Variants in LHPP observed in about 807,000 individuals in gnomAD.
LHPP encodes hLHPP.
A neutral mutation model predicts 30.3 loss-of-function variants in LHPP; 24 were observed. That is an observed-to-expected ratio of 0.79 (90% CI 0.57 to 1.11). LHPP has a LOEUF of 1.11. Among genes scored for constraint, LHPP ranks in the 50% most tolerant of loss-of-function variants. The pLI, the probability that LHPP is intolerant of heterozygous loss-of-function variation, is 0.00. For missense variants in LHPP, 356 were observed against 367.2 expected (o/e 0.97, Z 0.25); for synonymous variants, 150 against 157.1 (o/e 0.95, Z 0.34).
At position 124,610,515 on chromosome 10, in the gene LHPP, A is replaced by C. The variant is rs865777089; in HGVS notation, c.717-2749A>C. Among the ~76,000 whole-genome samples the C allele has an allele frequency of 4.4e-4, 6 of 13,602 alleles. 1 individual carries two copies. Among genetic ancestry groups the C allele is most frequent in the African/African-American group, 1.5e-3 (6 of 3,954 alleles). 8.9% of individuals were successfully genotyped at this position (13,602 alleles called of 152,430 possible). On this transcript the variant is annotated intron_variant, in intron 6 of 6. Transcript: ENST00000368842. ...GGTGAGGGTGTTGACGGAGCGGGTG[A>C]GGGTGCGGGTGAGGGTGCTGATGGA...
intron 6 of LHPP, among the ~76,000 whole-genome samples, chr10:124,601,467 T>C (rs1437318811): frequency 6.6e-6 from 1 of 151,972 alleles, no homozygotes; most frequent in Non-Finnish European, 1.5e-5. Context: ...CCAGCCAGGA[T>C]TGGGGGTTCA....
intron 6 of LHPP, among the ~76,000 whole-genome samples, chr10:124,548,873 C>T (rs1955414160): frequency 6.6e-6 from 1 of 152,248 alleles, no homozygotes; most frequent in African/African-American, 2.4e-5. Context: ...TCTGCTGTGG[C>T]CTTCTCACAG....
intron 5 of LHPP, among the ~76,000 whole-genome samples, chr10:124,500,045 C>A (rs1953854118): frequency 6.6e-6 from 1 of 152,020 alleles, no homozygotes; most frequent in Non-Finnish European, 1.5e-5. Flanking sequence ...GGCAGAATTT[C>A]TTTTTTTATT....
At chr10:124,609,047 G>C (rs1949131585) in intron 6 of LHPP, among the ~76,000 whole-genome samples, 1 of 152,214 alleles carries the variant, frequency 6.6e-6, no homozygotes, top group Non-Finnish European at 1.5e-5. Flanking sequence ...AGAGCCCTGG[G>C]GGACGGTGGA....
chr10:124,603,677 C>T (rs1040223159), intron 6 of LHPP, among the ~76,000 whole-genome samples: 6 of 152,224 alleles, frequency 3.9e-5, no homozygotes, highest in Admixed American at 6.5e-5. Flanking sequence ...TCGCGGCCCT[C>T]GCCTCGGCAC....
At chr10:124,579,203 C>A (rs2133989574) in intron 6 of LHPP, among the ~76,000 whole-genome samples, 1 of 152,356 alleles carries the variant, frequency 6.6e-6, no homozygotes, top group Non-Finnish European at 1.5e-5. Flanking sequence ...GCCGAGCGTT[C>A]TGAGCGCCCT....
chr10:124,529,692 C>T (rs369487564), intron 6 of LHPP, among the ~76,000 whole-genome samples: 6 of 152,158 alleles, frequency 3.9e-5, no homozygotes, highest in East Asian at 3.9e-4. Flanking sequence ...CGAGGGGCCA[C>T]GCCCTGCACT....
chr10:124,542,437 G>T (rs1955220509), intron 6 of LHPP, among the ~76,000 whole-genome samples: 1 of 152,206 alleles, frequency 6.6e-6, no homozygotes. Context: ...TGGGACTTGG[G>T]CCCTGGCAGT....
chr10:124,605,260 T>TG (rs767272505), intron 6 of LHPP: 1 of 152,292 alleles, frequency 6.6e-6, no homozygotes, highest in Non-Finnish European at 1.5e-5. Flanking sequence ...CCTGCCCAGC[T>TG]GGGGGCCTTT....
chr10:124,553,032 C>G (rs746607017), intron 6 of LHPP, among the ~76,000 whole-genome samples: 1 of 152,248 alleles, frequency 6.6e-6, no homozygotes, highest in African/African-American at 2.4e-5. Flanking sequence ...CGCCGCTCAG[C>G]GCTCCGCGGC....
At chr10:124,489,589 G>A (rs560380747) in intron 3 of LHPP, among the ~76,000 whole-genome samples, 3 of 152,134 alleles carry the variant, frequency 2.0e-5, no homozygotes, top group South Asian at 4.2e-4. Context: ...TGAGTAGCTG[G>A]GACTACAGGC....
chr10:124,545,936 T>G (rs944364082), intron 6 of LHPP: 27 of 151,898 alleles, frequency 1.8e-4, no homozygotes, highest in Admixed American at 1.8e-3. Flanking sequence ...AGAGCAGAGG[T>G]GGGAGGGGTG....
chr10:124,491,829 G>A (rs754460318), intron 3 of LHPP, among the ~76,000 whole-genome samples: 6 of 152,196 alleles, frequency 3.9e-5, no homozygotes, highest in African/African-American at 1.2e-4. Flanking sequence ...GGAGGCTGAC[G>A]CATGAGAATT....
At chr10:124,509,956 A>G (rs1291135573) in intron 5 of LHPP, among the ~76,000 whole-genome samples, 1 of 152,182 alleles carries the variant, frequency 6.6e-6, no homozygotes, top group Non-Finnish European at 1.5e-5. Flanking sequence ...CACCTAGGAC[A>G]CTGAAGAGGA....
chr10:124,610,929 AGGGTGAGGGTGAGGGTGCTGATGGAGC>A, intron 6 of LHPP, among the ~76,000 whole-genome samples: 1 of 53,194 alleles, frequency 1.9e-5, no homozygotes, highest in African/African-American at 7.3e-5. Flanking sequence ...GGAGCGGGCG[AGGGTGAGGGTGAGGGTGCTGATGGAGC>A]GGGTGAGGGT....
chr10:124,478,844 G>A lies in LHPP; in HGVS notation c.126-5295G>A, dbSNP rs1209838056. ...AGCACTTTGGGAGGCCGAGGCAGGT[G>A]GATCACTGGAGATTGGGAGTTCAAG... On this transcript the variant is annotated intron_variant, in intron 1 of 6. Transcript: ENST00000368842. This position sits in a 1 kb window ranked among gnomAD's most constrained non-coding sequence, Gnocchi z 4.7. 6.6e-6 allele frequency among the ~76,000 whole-genome samples: 1 copy of A among 152,194 alleles called. No homozygotes were observed. The highest frequency in any genetic ancestry group is 1.5e-5 in the Non-Finnish European group (1 of 68,048).
At chr10:124,591,690 T>C (rs547210920) in intron 6 of LHPP, among the ~76,000 whole-genome samples, 1 of 152,112 alleles carries the variant, frequency 6.6e-6, no homozygotes. Context: ...ATTTCAGATC[T>C]TTCCTCTCTT....
intron 6 of LHPP, among the ~76,000 whole-genome samples, chr10:124,565,247 T>G (rs1564833686): frequency 6.6e-6 from 1 of 152,090 alleles, no homozygotes; most frequent in Non-Finnish European, 1.5e-5. Flanking sequence ...GAAATAATTT[T>G]TTGGTTGCAG....
In LHPP at chr10:124,555,914, G is replaced by A. The variant is rs559480915; in HGVS notation, c.716+38643G>A. Among the ~76,000 whole-genome samples, 10 of 152,124 alleles carry A rather than the reference G, an allele frequency of 6.6e-5. No individual in the cohort carries two copies. The South Asian group carries it at 2.1e-3, about 32-fold the overall frequency. On this transcript the variant is annotated intron_variant, in intron 6 of 6. Transcript: ENST00000368842. Reference sequence around the variant, plus strand: ...TCAGGCCATATTCCCCCTTACAGATGAATGAAGTCACTGGCCCGAGGTCAC... The same window carrying A: ...TCAGGCCATATTCCCCCTTACAGATAAATGAAGTCACTGGCCCGAGGTCAC...
Sources: allele counts gnomAD v4.1 joint callset (sites outside exome capture counted in the v4.1 genomes callset), GRCh38; gene constraint gnomAD v4.1.1; non-coding constraint Gnocchi (gnomAD v3.1); transcripts MANE v1.5; gene names NCBI Gene and HGNC (gene_info 2026-07-23, HGNC 2026-07-21).